The following MLXIP variants were observed in gnomAD, a reference collection of about 807,000 sequenced individuals.
MLXIP encodes MLX interacting protein.
MLXIP carries 30 observed loss-of-function variants against 87.2 expected under a neutral mutation model. That is an observed-to-expected ratio of 0.34 (90% CI 0.26 to 0.47). MLXIP has a LOEUF of 0.47. MLXIP is among the 20% of genes least tolerant of loss of function. MLXIP has a pLI of 1.00. For missense variants in MLXIP, 1,002 were observed against 1,240.1 expected, an observed-to-expected ratio of 0.81 and a Z score of 2.88; for synonymous variants, 530 against 514.0, an observed-to-expected ratio of 1.03 and a Z score of -0.42.
chr12:122,138,871 A>G lies in MLXIP; in HGVS notation c.2441A>G (p.Asp814Gly). ...GTCCCCGTTACCCGGCGCCAGTTTG[A>G]TCACATGAAAGACATGTTTGACGAA... ...TGVPVTRRQF[D>G]HMKDMFDEYV... Residue 814 changes from aspartate (D) to glycine (G), a missense_variant, in exon 15 of 17, where the codon GAT becomes GGT. Around this residue, in one of 3 missense-constraint regions of MLXIP, gnomAD observed 746 missense variants for 897.0 expected, o/e 0.83. Transcript: ENST00000319080. 6.2e-7 allele frequency: 1 copy of G among 1,614,068 alleles called. No homozygotes were observed. The highest frequency in any genetic ancestry group is 1.3e-5 in the African/African-American group (1 of 75,068).
intron 4 of MLXIP, 152 bp from the exon 5 acceptor site, chr12:122,129,436 C>A: frequency 4.4e-6 from 2 of 452,348 alleles, no homozygotes; most frequent in Non-Finnish European, 5.8e-6. Flanking sequence ...CCCATCTGTG[C>A]ACTGGGTGGA....
intron 1 of MLXIP, among the ~76,000 whole-genome samples, chr12:122,089,952 C>T (rs2135902565): frequency 6.6e-6 from 1 of 152,222 alleles, no homozygotes; most frequent in South Asian, 2.1e-4. Context: ...TTGGAAGCCA[C>T]AAGACAGTGG....
chr12:122,098,288 C>T (rs1952386557), intron 1 of MLXIP, among the ~76,000 whole-genome samples: 2 of 152,212 alleles, frequency 1.3e-5, no homozygotes. Context: ...GATTTTCCTT[C>T]TGTTCCCTGT....
chr12:122,098,479 G>A (rs1156869905), intron 1 of MLXIP, among the ~76,000 whole-genome samples: 1 of 152,206 alleles, frequency 6.6e-6, no homozygotes, highest in African/African-American at 2.4e-5. Context: ...AAATATATCA[G>A]TGAGACTTAA....
Position 122,079,075 on chromosome 12 carries a change from G to A in MLXIP, c.222G>A (p.Gln74=), listed in dbSNP as rs1319396031. The A allele has an allele frequency of 6.5e-7, 1 of 1,530,350 alleles. No homozygotes were observed. Among genetic ancestry groups the A allele is most frequent in the East Asian group, 2.6e-5 (1 of 38,670 alleles). 94.8% of individuals were successfully genotyped at this position (1,530,350 alleles called of 1,614,324 possible). ...GPGREEPPRR[Q]QIIHSGHFMV... ...GCCGCGAGGAACCTCCGCGCCGCCAGCAGATCATCCACAGCGGCCACTTCA... is the reference window on the plus strand; with the variant it reads ...GCCGCGAGGAACCTCCGCGCCGCCAACAGATCATCCACAGCGGCCACTTCA... Residue 74 remains glutamine (Q), a synonymous_variant, in exon 1 of 17, where the codon CAG becomes CAA. Transcript: ENST00000319080.
chr12:122,123,326 CT>C (rs1243604803), intron 1 of MLXIP, among the ~76,000 whole-genome samples: 4 of 152,124 alleles, frequency 2.6e-5, no homozygotes, highest in Non-Finnish European at 5.9e-5. Flanking sequence ...CCCGCCGTGG[CT>C]GGTTTGTTTG....
At chr12:122,100,602 T>C (rs1952422283) in intron 1 of MLXIP, among the ~76,000 whole-genome samples, 1 of 152,244 alleles carries the variant, frequency 6.6e-6, no homozygotes, top group Non-Finnish European at 1.5e-5. Context: ...TCCCAGACTT[T>C]CTCATGAGTT....
At chr12:122,103,190 TG>T (rs1952462727) in intron 1 of MLXIP, among the ~76,000 whole-genome samples, 2 of 62,224 alleles carry the variant, frequency 3.2e-5, no homozygotes, top group African/African-American at 1.7e-4. Context: ...TATGTATGTA[TG>T]TATGTATGTA....
intron 1 of MLXIP, among the ~76,000 whole-genome samples, chr12:122,082,511 A>G (rs1198324134): frequency 6.6e-6 from 1 of 152,200 alleles, no homozygotes; most frequent in Non-Finnish European, 1.5e-5. Flanking sequence ...CTGGCAAGTA[A>G]CACACAAGAG....
intron 1 of MLXIP, among the ~76,000 whole-genome samples, chr12:122,081,267 G>C (rs1354117934): frequency 6.6e-6 from 1 of 152,100 alleles, no homozygotes; most frequent in Non-Finnish European, 1.5e-5. Flanking sequence ...GCCACCTAAG[G>C]TCTACCACCA....
intron 16 of MLXIP, among the ~76,000 whole-genome samples, chr12:122,141,307 T>C (rs937612858): frequency 9.2e-5 from 14 of 152,198 alleles, no homozygotes; most frequent in African/African-American, 2.9e-4. Context: ...CTTGCATGGA[T>C]CTAGTGCCAA....
intron 1 of MLXIP, among the ~76,000 whole-genome samples, chr12:122,108,769 C>A (rs1952560034): frequency 6.6e-6 from 1 of 152,078 alleles, no homozygotes; most frequent in East Asian, 1.9e-4. Context: ...AAATGAGTGC[C>A]CATCACTGTC....
In MLXIP at chr12:122,142,566, C is replaced by G. The variant is rs2135998920; in HGVS notation, c.*754C>G. On this transcript the variant is annotated 3_prime_UTR_variant, in exon 17 of 17. Transcript: ENST00000319080. ...CCTGACATTGCAGGATCCATGGGGA[C>G]TCAGCCCAGGGCCTTCTCGGATGTC... 1 of 339,028 alleles carries G rather than the reference C, an allele frequency of 2.9e-6. No homozygotes were observed. The allele number at this position is 339,028 out of a possible 1,614,324, so 21.0% of individuals were successfully genotyped here.
chr12:122,084,658 T>C (rs932110442), intron 1 of MLXIP, among the ~76,000 whole-genome samples: 1 of 152,200 alleles, frequency 6.6e-6, no homozygotes. Flanking sequence ...GCGATTCTCC[T>C]GCCTCAGCTT....
intron 1 of MLXIP, among the ~76,000 whole-genome samples, chr12:122,108,413 A>T (rs1198261280): frequency 6.6e-6 from 1 of 152,006 alleles, no homozygotes; most frequent in Non-Finnish European, 1.5e-5. Flanking sequence ...TCCTCAGTAA[A>T]ATCTGGGATT....
At chr12:122,090,397 T>C (rs1952228253) in intron 1 of MLXIP, among the ~76,000 whole-genome samples, 1 of 151,826 alleles carries the variant, frequency 6.6e-6, no homozygotes, top group Non-Finnish European at 1.5e-5. Context: ...CTCGGGAGGC[T>C]GAGGCAGGAG....
At chr12:122,124,238 G>A (rs1462135142) in intron 1 of MLXIP, among the ~76,000 whole-genome samples, 1 of 49,614 alleles carries the variant, frequency 2.0e-5, no homozygotes, top group Non-Finnish European at 3.5e-5. Context: ...ACCCTCAGCC[G>A]TCCCCCACCT....
intron 14 of MLXIP, 41 bp downstream of exon 14, chr12:122,138,592 C>A: frequency 6.3e-7 from 1 of 1,584,580 alleles, no homozygotes; most frequent in South Asian, 1.1e-5. Flanking sequence ...GGCACCCCAT[C>A]CCGATGCAGG....
intron 1 of MLXIP, among the ~76,000 whole-genome samples, chr12:122,088,611 A>C (rs1002598536): frequency 2.6e-5 from 4 of 152,172 alleles, no homozygotes; most frequent in African/African-American, 9.7e-5. Flanking sequence ...CTGTGGGTAG[A>C]AGCAGCCGCC....
Sources: allele counts gnomAD v4.1 joint callset (sites outside exome capture counted in the v4.1 genomes callset), GRCh38; gene constraint gnomAD v4.1.1; regional missense constraint gnomAD v4.1.1; transcripts MANE v1.5; gene names NCBI Gene and HGNC (gene_info 2026-07-23, HGNC 2026-07-21).